LTBP1: variants seen among roughly 807,000 people sequenced by gnomAD.
LTBP1 encodes the protein latent-transforming growth factor beta-binding protein 1.
LTBP1 carries 129 observed loss-of-function variants against 207.6 expected under a neutral mutation model. The ratio of observed to expected loss-of-function variants is 0.62; its 90% CI spans 0.54 to 0.72. The LOEUF is 0.72. Ranked by LOEUF, LTBP1 falls within the 30% of genes least tolerant of loss-of-function variation. The probability of loss-of-function intolerance (pLI) is 0.00; values close to 1 mark genes in which losing one functional copy is unlikely to be tolerated. For synonymous variants in LTBP1, 963 were observed against 833.7 expected (o/e 1.16, Z -2.67); for missense variants, 2,281 against 2,217.2 (o/e 1.03, Z -0.58).
intron 20 of LTBP1, among the ~76,000 whole-genome samples, chr2:33,298,281 C>T (rs2093919152): frequency 6.6e-6 from 1 of 152,148 alleles, no homozygotes; most frequent in Admixed American, 6.5e-5. Flanking sequence ...TCAAGTTATT[C>T]CAAGTGTATG....
At chr2:33,387,900 G>T (rs2095281521) in intron 31 of LTBP1, among the ~76,000 whole-genome samples, 1 of 152,200 alleles carries the variant, frequency 6.6e-6, no homozygotes, top group African/African-American at 2.4e-5. Context: ...ATTGCCTTGT[G>T]TGACTGCCCC....
intron 4 of LTBP1, 61 bp downstream of exon 4, chr2:33,110,812 G>T (rs758020369): frequency 2.1e-5 from 32 of 1,531,030 alleles, no homozygotes; most frequent in Non-Finnish European, 2.8e-5. Context: ...GAAACACTTT[G>T]TTCAGTGTAG....
chr2:33,320,077 T>G (rs898312214), intron 24 of LTBP1, among the ~76,000 whole-genome samples: 2 of 152,006 alleles, frequency 1.3e-5, no homozygotes, highest in African/African-American at 4.8e-5. Context: ...TGTTAGAAAG[T>G]GTGATAAAGG....
At chr2:33,046,732 T>C (rs756921613) in intron 3 of LTBP1, among the ~76,000 whole-genome samples, 2 of 152,196 alleles carry the variant, frequency 1.3e-5, no homozygotes, top group African/African-American at 2.4e-5. Flanking sequence ...GCTGTGAATC[T>C]GTCTGGTCCT....
intron 5 of LTBP1, among the ~76,000 whole-genome samples, chr2:33,180,797 G>A (rs145719816): frequency 0.02 from 3,005 of 152,158 alleles, 45 homozygotes; most frequent in Non-Finnish European, 0.032. Context: ...GTTTGCTGTA[G>A]CATGTAATTA....
intron 2 of LTBP1, among the ~76,000 whole-genome samples, chr2:33,002,710 C>G (rs1229839147): frequency 6.6e-6 from 1 of 151,990 alleles, no homozygotes; most frequent in Non-Finnish European, 1.5e-5. Flanking sequence ...AGGGGTCTCA[C>G]CCTGTCGCCC....
chr2:33,333,538 G>C (rs1291378387), intron 24 of LTBP1, among the ~76,000 whole-genome samples: 1 of 152,192 alleles, frequency 6.6e-6, no homozygotes, highest in African/African-American at 2.4e-5. Context: ...AGAACATAGA[G>C]TTGAACCCGA....
chr2:33,148,153 A>T (rs2083204304), intron 5 of LTBP1, among the ~76,000 whole-genome samples: 1 of 152,216 alleles, frequency 6.6e-6, no homozygotes. Flanking sequence ...TTGTCTTTCC[A>T]GGAAGGTGGA....
Position 33,126,763 on chromosome 2 carries a change from G to T in LTBP1, c.1034-8030G>T, listed in dbSNP as rs369033952. Among the ~76,000 whole-genome samples the T allele has an allele frequency of 3.3e-3, 509 of 152,300 alleles. 2 individuals carry two copies. Among genetic ancestry groups the T allele is most frequent in the Non-Finnish European group, 5.1e-3 (345 of 68,022 alleles). Reference sequence around the variant, plus strand: ...ATTGAGTTTGGCCGTAGTCCCATAGGGGGAGTAGTTGGGGCCATTGGATGC... The same window carrying T: ...ATTGAGTTTGGCCGTAGTCCCATAGTGGGAGTAGTTGGGGCCATTGGATGC... On this transcript the variant is annotated intron_variant, in intron 4 of 33. Coordinates refer to ENST00000404816, the MANE Select transcript of LTBP1 (RefSeq NM_206943.4).
chr2:33,260,248 T>G (rs757370387), intron 13 of LTBP1, among the ~76,000 whole-genome samples: 14 of 152,190 alleles, frequency 9.2e-5, no homozygotes, highest in Non-Finnish European at 1.5e-4. Context: ...AATCCGGCTT[T>G]CTTTCTTTAA....
At position 33,365,388 on chromosome 2, in the gene LTBP1, T is replaced by C. The variant is rs369495508; in HGVS notation, c.4596T>C (p.Asp1532=). Residue 1532 remains aspartate, a synonymous_variant, in exon 31 of 34, where the codon GAT becomes GAC. Transcript: ENST00000404816. Reference sequence around the variant, plus strand: ...ATTTGTGCTGGGAACATCTGAGTGATGAATACGTGTGTAGCCGGCCTCTTG... The same window carrying C: ...ATTTGTGCTGGGAACATCTGAGTGACGAATACGTGTGTAGCCGGCCTCTTG... ...YQDLCWEHLS[D]EYVCSRPLVG... is the part of the protein sequence containing the mutation. The C allele has an allele frequency of 1.9e-6, 3 of 1,614,216 alleles. No homozygotes were observed. Among genetic ancestry groups the C allele is most frequent in the Admixed American group, 3.3e-5 (2 of 60,020 alleles).
intron 24 of LTBP1, among the ~76,000 whole-genome samples, chr2:33,337,122 T>A (rs1260724129): frequency 6.6e-6 from 1 of 152,258 alleles, no homozygotes; most frequent in East Asian, 1.9e-4. Flanking sequence ...TCACTTTACA[T>A]AAATGAGAAG....
intron 3 of LTBP1, among the ~76,000 whole-genome samples, chr2:33,085,746 C>G (rs1339081156): frequency 6.6e-6 from 1 of 152,186 alleles, no homozygotes; most frequent in African/African-American, 2.4e-5. Flanking sequence ...CCCTCTAACT[C>G]CAAATTCTGT....
intron 7 of LTBP1, among the ~76,000 whole-genome samples, chr2:33,210,522 A>G (rs1442401992): frequency 6.6e-6 from 1 of 152,168 alleles, no homozygotes; most frequent in East Asian, 1.9e-4. Context: ...CATTGTTTCA[A>G]AGATGCTAAT....
At chr2:33,216,585 C>T (rs1021128944) in intron 7 of LTBP1, among the ~76,000 whole-genome samples, 6 of 152,094 alleles carry the variant, frequency 3.9e-5, no homozygotes, top group African/African-American at 1.2e-4. Context: ...ACTCTGGAAA[C>T]TGTTGGGAGG....
intron 5 of LTBP1, among the ~76,000 whole-genome samples, chr2:33,154,226 G>A (rs1417051317): frequency 6.6e-6 from 1 of 152,046 alleles, no homozygotes; most frequent in African/African-American, 2.4e-5. Flanking sequence ...AAGTTGATCT[G>A]TATGGCATCT....
Position 32,947,202 on chromosome 2 carries a change from T to A in LTBP1, c.-123T>A, listed in dbSNP as rs1400144946. The A allele has an allele frequency of 1.7e-5, 12 of 721,986 alleles. No homozygotes were observed. Among genetic ancestry groups the A allele is most frequent in the Admixed American group, 1.4e-4 (3 of 21,744 alleles). 44.7% of individuals were successfully genotyped at this position (721,986 alleles called of 1,614,324 possible). A position where few individuals can be genotyped will look rare whatever the true frequency, so the allele number is the denominator to read the frequency against. On this transcript the variant is annotated 5_prime_UTR_variant, in exon 1 of 34. Coordinates refer to ENST00000404816, the MANE Select transcript of LTBP1 (RefSeq NM_206943.4). ...CTCCCTCGCCACCGACTTGGTCTCC[T>A]CCCGCCTTTCCCGGGCTCTCGGCAG...
intron 7 of LTBP1, among the ~76,000 whole-genome samples, chr2:33,205,651 A>G (rs2089803340): frequency 6.6e-6 from 1 of 152,130 alleles, no homozygotes; most frequent in Admixed American, 6.5e-5. Context: ...TCCCTTTCCC[A>G]TAGCCCCCTG....
intron 31 of LTBP1, among the ~76,000 whole-genome samples, chr2:33,380,645 T>C (rs934226952): frequency 6.6e-6 from 1 of 152,316 alleles, no homozygotes; most frequent in Non-Finnish European, 1.5e-5. Context: ...TCATCTAGTC[T>C]TATTGCCTCA....
Sources: gnomAD v4.1 joint callset for allele counts (sites outside exome capture counted in the v4.1 genomes callset) on GRCh38, gnomAD v4.1.1 for gene constraint, MANE v1.5 for transcripts, NCBI Gene and HGNC (gene_info 2026-07-23, HGNC 2026-07-21) for gene names.